LRRC9: variants seen among roughly 807,000 people sequenced by gnomAD.
The protein encoded by LRRC9 is leucine rich repeat containing 9.
In LRRC9, 122 loss-of-function variants were observed where a neutral mutation model predicts 63.2. The ratio of observed to expected loss-of-function variants is 1.93; its 90% confidence interval spans 1.67 to 2.24. The LOEUF (loss-of-function observed/expected upper bound fraction) is 2.24, where lower values mean the gene tolerates loss of function less well. LRRC9 is among the 30% of genes most tolerant of loss of function. The pLI is 0.00. For synonymous variants in LRRC9, 366 were observed against 213.1 expected, an observed-to-expected ratio of 1.72 and a Z score of -6.25; for missense variants, 1,071 against 627.7, an observed-to-expected ratio of 1.71 and a Z score of -7.55.
chr14:59,993,777 T>G (rs1006065197), intron 17 of LRRC9, among the ~76,000 whole-genome samples: 4 of 152,184 alleles, frequency 2.6e-5, no homozygotes, highest in Admixed American at 2.6e-4. Context: ...CCTAAATATA[T>G]ATGCACCCAA....
chr14:59,941,085 T>C (rs1052968929), intron 7 of LRRC9, among the ~76,000 whole-genome samples: 14 of 152,120 alleles, frequency 9.2e-5, no homozygotes, highest in African/African-American at 2.4e-4. Flanking sequence ...AAAACCCTTA[T>C]TGATAACTCT....
chr14:60,008,135 T>C, exon 23 of LRRC9: 1 of 701,916 alleles, frequency 1.4e-6, no homozygotes, highest in Non-Finnish European at 2.6e-6. Flanking sequence ...GGGAACATCA[T>C]TATATGGAAT....
rs541891681 is a variant in LRRC9, at chr14:59,938,077, G to A, written c.544-313G>A. The stretch of plus-strand genomic sequence containing the variant: ...ATCCTGGGGGCAATTAGCAAGAGGG[G>A]CTGTGTAGGGGAAGCAACTTATTAA... On this transcript the variant is annotated intron_variant, in intron 6 of 31. Transcript: ENST00000445360. This position sits in a 1 kb window ranked among gnomAD's most constrained non-coding sequence, Gnocchi z 4.2. 6.6e-6 allele frequency among the ~76,000 whole-genome samples: 1 copy of A among 152,210 alleles called. No homozygotes were observed. The highest frequency in any genetic ancestry group is 1.5e-5 in the Non-Finnish European group (1 of 67,988).
intron 29 of LRRC9, among the ~76,000 whole-genome samples, chr14:60,033,904 T>G (rs1892196402): frequency 6.6e-6 from 1 of 152,060 alleles, no homozygotes; most frequent in Admixed American, 6.6e-5. Flanking sequence ...TATTTTAAAC[T>G]ACTTAAATTC....
exon 24 of LRRC9, chr14:60,016,731 A>G (rs1404678979): frequency 1.4e-6 from 1 of 701,230 alleles, no homozygotes; most frequent in Admixed American, 2.0e-5. Flanking sequence ...TTGCAGAACG[A>G]CAAGGACATT....
intron 15 of LRRC9, among the ~76,000 whole-genome samples, chr14:59,980,682 G>A (rs560005642): frequency 2.2e-4 from 34 of 152,126 alleles, no homozygotes; most frequent in African/African-American, 7.2e-4. Flanking sequence ...TCTTTATATA[G>A]GTCTCCAACA....
intron 31 of LRRC9, among the ~76,000 whole-genome samples, chr14:60,062,455 A>G (rs1336669545): frequency 1.3e-5 from 2 of 152,226 alleles, no homozygotes; most frequent in Non-Finnish European, 2.9e-5. Context: ...TAGTGAGGGA[A>G]CAATGAAATA....
Position 59,990,407 on chromosome 14 carries a change from T to G in LRRC9, c.2211+5183T>G, listed in dbSNP as rs955051417. Among the ~76,000 whole-genome samples the G allele has an allele frequency of 1.3e-5, 2 of 152,136 alleles. No homozygotes were observed. Among genetic ancestry groups the G allele is most frequent in the African/African-American group, 4.8e-5 (2 of 41,416 alleles). ...TTCTTCAGACCTTTCTTTTTTCTTT[T>G]TCTTTTTTCATTTTTAGACAGGGTC... On this transcript the variant is annotated intron_variant, in intron 17 of 31. Transcript: ENST00000445360. The surrounding 1 kb of genome is among the most constrained non-coding windows in gnomAD (Gnocchi z 4.2).
intron 29 of LRRC9, among the ~76,000 whole-genome samples, chr14:60,033,746 T>C (rs1892183990): frequency 6.6e-6 from 1 of 152,100 alleles, no homozygotes; most frequent in South Asian, 2.1e-4. Context: ...TTCAACTCTC[T>C]CAAAGTTTTA....
Position 59,923,101 on chromosome 14 carries a change from C to T in LRRC9, c.-34+3218C>T, listed in dbSNP as rs1888920268. Among the ~76,000 whole-genome samples, 1 of 152,196 alleles carries T rather than the reference C, an allele frequency of 6.6e-6. No homozygotes were observed. On this transcript the variant is annotated intron_variant, in intron 1 of 31. Transcript: ENST00000445360. The surrounding 1 kb of genome is among the most constrained non-coding windows in gnomAD (Gnocchi z 4.2). ...AGGAGAGTAGTTACAAGCTGGCCAACAGGACATTCACCTCTTGATGAATTC... is the reference window on the plus strand; with the variant it reads ...AGGAGAGTAGTTACAAGCTGGCCAATAGGACATTCACCTCTTGATGAATTC...
chr14:59,958,579 G>A lies in LRRC9; in HGVS notation c.883-1239G>A, dbSNP rs1202630096. Among the ~76,000 whole-genome samples, 5 of 152,324 alleles carry A rather than the reference G, an allele frequency of 3.3e-5. No individual in the cohort carries two copies. The highest frequency in any genetic ancestry group is 6.5e-5 in the Admixed American group (1 of 15,306). ...GCTGGGCTCTGTGGGAGTGGGACCC[G>A]CTGAGCAAGACCACTTGGCTCCCTG... On this transcript the variant is annotated intron_variant, in intron 8 of 31. Transcript: ENST00000445360. The surrounding 1 kb of genome is among the most constrained non-coding windows in gnomAD (Gnocchi z 4.0).
chr14:60,011,942 A>G (rs1890292214), intron 23 of LRRC9, among the ~76,000 whole-genome samples: 1 of 152,244 alleles, frequency 6.6e-6, no homozygotes, highest in Non-Finnish European at 1.5e-5. Flanking sequence ...GCATATGAAA[A>G]TTTACTTTAC....
chr14:59,991,758 A>G (rs219355), intron 17 of LRRC9, among the ~76,000 whole-genome samples: 113,108 of 151,190 alleles, frequency 0.75, 44,283 homozygotes, highest in Non-Finnish European at 0.87. Context: ...AGGCAGCAGC[A>G]AGGCTGGGGG....
intron 8 of LRRC9, among the ~76,000 whole-genome samples, chr14:59,953,006 G>A (rs1035076055): frequency 6.6e-6 from 1 of 152,196 alleles, no homozygotes; most frequent in Non-Finnish European, 1.5e-5. Context: ...TTTAATGGCT[G>A]CATAATACTC....
At chr14:59,968,576 G>T (rs1846819953) in intron 12 of LRRC9, among the ~76,000 whole-genome samples, 1 of 152,194 alleles carries the variant, frequency 6.6e-6, no homozygotes, top group African/African-American at 2.4e-5. Flanking sequence ...GGCCATAGAG[G>T]TTGGTACTGT....
chr14:59,977,234 T>C, exon 14 of LRRC9: 1 of 674,404 alleles, frequency 1.5e-6, no homozygotes, highest in South Asian at 1.6e-5. Flanking sequence ...GGCATCCTCC[T>C]CATTACAAAA....
chr14:59,928,275 G>A (rs1314772830), exon 3 of LRRC9: 1 of 594,428 alleles, frequency 1.7e-6, no homozygotes, highest in Non-Finnish European at 2.9e-6. Context: ...CAGTGTTTGT[G>A]CAATGGCTTA....
chr14:60,034,045 G>T (rs1892223825), intron 29 of LRRC9, among the ~76,000 whole-genome samples: 1 of 109,680 alleles, frequency 9.1e-6, no homozygotes, highest in Admixed American at 1.3e-4. Context: ...TTTTGAGACA[G>T]AGTCTCTCTC....
intron 8 of LRRC9, among the ~76,000 whole-genome samples, chr14:59,952,556 A>G (rs1411433396): frequency 6.6e-6 from 1 of 152,198 alleles, no homozygotes; most frequent in Non-Finnish European, 1.5e-5. Context: ...TATATCTATT[A>G]TAGAGGAGTA....
Sources: allele counts gnomAD v4.1 joint callset (sites outside exome capture counted in the v4.1 genomes callset), GRCh38; gene constraint gnomAD v4.1.1; non-coding constraint Gnocchi (gnomAD v3.1); transcripts MANE v1.5; gene names NCBI Gene and HGNC (gene_info 2026-07-23, HGNC 2026-07-21).